Variants in SUGCT observed in about 807,000 individuals in gnomAD.
SUGCT encodes succinyl-CoA:glutarate-CoA transferase.
In SUGCT, 41 loss-of-function variants were observed where a neutral mutation model predicts 55.0. The ratio of observed to expected loss-of-function variants is 0.74; its 90% CI spans 0.58 to 0.97. The LOEUF (loss-of-function observed/expected upper bound fraction) is 0.97, where lower values mean the gene tolerates loss of function less well. Ranked by LOEUF, SUGCT falls within the 50% of genes least tolerant of loss-of-function variation. The probability of loss-of-function intolerance (pLI) is 0.00; values close to 1 mark genes in which losing one functional copy is unlikely to be tolerated. For missense variants in SUGCT, 568 were observed against 547.8 expected, an observed-to-expected ratio of 1.04 and a Z score of -0.37; for synonymous variants, 187 against 200.4, an observed-to-expected ratio of 0.93 and a Z score of 0.56.
the SUGCT span, among the ~76,000 whole-genome samples, chr7:40,892,061 C>T: frequency 6.6e-6 from 1 of 151,872 alleles, no homozygotes; most frequent in Non-Finnish European, 1.5e-5. Flanking sequence ...TATAGTCAGA[C>T]TCAGAATAAC....
chr7:40,857,282 A>G (rs1384398047), intron 13 of SUGCT, among the ~76,000 whole-genome samples: 2 of 152,068 alleles, frequency 1.3e-5, no homozygotes, highest in Non-Finnish European at 2.9e-5. Context: ...CTTCATGCAA[A>G]CCTTATTCAG....
the SUGCT span, among the ~76,000 whole-genome samples, chr7:40,912,956 C>A: frequency 6.6e-6 from 1 of 151,742 alleles, no homozygotes; most frequent in Non-Finnish European, 1.5e-5. Context: ...CCAGTCCTGC[C>A]ATCTCCTGCT....
Position 40,707,358 on chromosome 7 carries a change from T to C in SUGCT, c.1090-42076T>C, listed in dbSNP as rs572717890. ...TTGAATGAATGTATATGCGTGTTTT[T>C]CTTCTAAGTTGTCATCATATAACAC... On this transcript the variant is annotated intron_variant, in intron 12 of 13. Coordinates refer to ENST00000335693, the MANE Select transcript of SUGCT (RefSeq NM_001193313.2). Among the ~76,000 whole-genome samples, 11 of 152,320 alleles carry C rather than the reference T, an allele frequency of 7.2e-5. No individual in the cohort carries two copies. In the East Asian group the frequency reaches 2.1e-3, roughly 29 times the overall value.
chr7:40,332,442 GA>G (rs1796364569), intron 9 of SUGCT, among the ~76,000 whole-genome samples: 1 of 45,050 alleles, frequency 2.2e-5, no homozygotes, highest in Admixed American at 4.5e-4. Context: ...ATCTGCATTG[GA>G]TTTTTTTTTT....
At chr7:40,302,207 C>G (rs1794579222) in intron 8 of SUGCT, among the ~76,000 whole-genome samples, 1 of 152,144 alleles carries the variant, frequency 6.6e-6, no homozygotes, top group Non-Finnish European at 1.5e-5. Flanking sequence ...ACATTCAACA[C>G]TCTTCCTTCT....
chr7:40,495,172 A>C (rs1434655729), intron 11 of SUGCT, among the ~76,000 whole-genome samples: 1 of 151,710 alleles, frequency 6.6e-6, no homozygotes, highest in African/African-American at 2.4e-5. Flanking sequence ...TTGGCCTCCC[A>C]AAGTGCTGAG....
intron 6 of SUGCT, among the ~76,000 whole-genome samples, chr7:40,202,261 C>T (rs1194366673): frequency 6.6e-6 from 1 of 152,188 alleles, no homozygotes; most frequent in Non-Finnish European, 1.5e-5. Context: ...ACGTGAGCCA[C>T]CATGCCTGGC....
chr7:40,466,661 G>A (rs1790126371), intron 11 of SUGCT, among the ~76,000 whole-genome samples: 2 of 152,174 alleles, frequency 1.3e-5, no homozygotes, highest in South Asian at 4.1e-4. Context: ...TGATGGGCAA[G>A]GTATCCAAGT....
intron 6 of SUGCT, among the ~76,000 whole-genome samples, chr7:40,220,327 T>C (rs1297915885): frequency 6.6e-6 from 1 of 152,186 alleles, no homozygotes; most frequent in Non-Finnish European, 1.5e-5. Flanking sequence ...ATTCCCAGAG[T>C]GTTCCAGATA....
At position 40,643,390 on chromosome 7, in the gene SUGCT, A is replaced by G. The variant is rs552441419; in HGVS notation, c.1090-106044A>G. Among the ~76,000 whole-genome samples the G allele has an allele frequency of 8.2e-4, 125 of 152,290 alleles. No individual in the cohort carries two copies. The Middle Eastern group carries it at 0.01, about 12-fold the overall frequency. On this transcript the variant is annotated intron_variant, in intron 12 of 13. Coordinates refer to ENST00000335693, the MANE Select transcript of SUGCT (RefSeq NM_001193313.2). ...CTGCTTAACATTTTTCCAGTGCAGT[A>G]GAACCATTTCAGAGGTCTGGAAACT...
intron 9 of SUGCT, among the ~76,000 whole-genome samples, chr7:40,426,631 A>G (rs1397719209): frequency 6.6e-6 from 1 of 152,180 alleles, no homozygotes; most frequent in Non-Finnish European, 1.5e-5. Context: ...GAAGACAGCC[A>G]CACTGTGGGG....
the SUGCT span, among the ~76,000 whole-genome samples, chr7:40,898,480 CGGGGG>C: frequency 0.043 from 248 of 5,712 alleles, 36 homozygotes; most frequent in Middle Eastern, 0.056. Flanking sequence ...TCCGGGAGGT[CGGGGG>C]GGGGGGGGGG....
At chr7:40,918,490 T>C in the SUGCT span, among the ~76,000 whole-genome samples, 6 of 147,896 alleles carry the variant, frequency 4.1e-5, no homozygotes, top group African/African-American at 1.3e-4. Flanking sequence ...GTTTGGGGGA[T>C]ATAGAAAAAT....
intron 12 of SUGCT, among the ~76,000 whole-genome samples, chr7:40,702,011 G>A (rs914350225): frequency 1.3e-5 from 2 of 152,142 alleles, no homozygotes; most frequent in African/African-American, 2.4e-5. Flanking sequence ...AGATTACTGC[G>A]CAATCCACCT....
chr7:40,554,547 A>G (rs1238886536), intron 12 of SUGCT, among the ~76,000 whole-genome samples: 2 of 152,168 alleles, frequency 1.3e-5, no homozygotes, highest in Admixed American at 6.5e-5. Context: ...TTGTGTGGGT[A>G]ATTTTAATGA....
intron 9 of SUGCT, among the ~76,000 whole-genome samples, chr7:40,397,657 A>G (rs1013803204): frequency 1.3e-5 from 2 of 152,172 alleles, no homozygotes. Flanking sequence ...GATTGTACCT[A>G]TGTTTGAATA....
intron 8 of SUGCT, among the ~76,000 whole-genome samples, chr7:40,308,746 C>T (rs1024554260): frequency 6.6e-6 from 1 of 152,166 alleles, no homozygotes; most frequent in Non-Finnish European, 1.5e-5. Context: ...CACAGTGACT[C>T]ATGCCTGTAA....
At chr7:40,250,834 T>C (rs2329769) in intron 7 of SUGCT, among the ~76,000 whole-genome samples, 14,557 of 114,668 alleles carry the variant, frequency 0.13, 1,152 homozygotes, top group Non-Finnish European at 0.21. Context: ...GCTTCTTTTT[T>C]TTTTTTTTTT....
intron 12 of SUGCT, among the ~76,000 whole-genome samples, chr7:40,725,138 T>C (rs1246498740): frequency 6.6e-6 from 1 of 152,176 alleles, no homozygotes; most frequent in Non-Finnish European, 1.5e-5. Context: ...CATATGGTAG[T>C]GTTCTCAAGC....
Sources: gnomAD v4.1 joint callset for allele counts (sites outside exome capture counted in the v4.1 genomes callset) on GRCh38, gnomAD v4.1.1 for gene constraint, MANE v1.5 for transcripts, NCBI Gene and HGNC (gene_info 2026-07-23, HGNC 2026-07-21) for gene names.